Variants in ASAP1 observed in about 807,000 individuals in gnomAD.
ASAP1 encodes the protein arf-GAP with SH3 domain, ANK repeat and PH domain-containing protein 1.
A neutral mutation model predicts 145.2 loss-of-function variants in ASAP1; 43 were observed. The observed-to-expected ratio is 0.30, with a 90% CI of 0.23 to 0.38. The LOEUF is 0.38. ASAP1 is among the 10% of genes least tolerant of loss of function. The pLI is 1.00. For missense variants in ASAP1, 1,018 were observed against 1,355.3 expected (o/e 0.75, Z 3.91); for synonymous variants, 546 against 515.5 (o/e 1.06, Z -0.80).
At chr8:130,273,666 C>T (rs1377934938) in intron 3 of ASAP1, among the ~76,000 whole-genome samples, 2 of 152,166 alleles carry the variant, frequency 1.3e-5, no homozygotes, top group Admixed American at 6.5e-5. Flanking sequence ...GAAAACCTGG[C>T]TTATAATGTC....
chr8:130,259,682 C>T (rs527674735), intron 3 of ASAP1, among the ~76,000 whole-genome samples: 4 of 152,310 alleles, frequency 2.6e-5, no homozygotes, highest in African/African-American at 9.6e-5. Context: ...TGCCCCACTG[C>T]CTCACATGAC....
At chr8:130,099,765 C>T (rs2097525496) in intron 24 of ASAP1, among the ~76,000 whole-genome samples, 2 of 147,726 alleles carry the variant, frequency 1.4e-5, no homozygotes, top group Non-Finnish European at 3.0e-5. Flanking sequence ...TCACTGCAAC[C>T]TGACCTCAGG....
At chr8:130,115,279 G>T (rs2097553363) in intron 23 of ASAP1, among the ~76,000 whole-genome samples, 1 of 152,216 alleles carries the variant, frequency 6.6e-6, no homozygotes, top group Non-Finnish European at 1.5e-5. Flanking sequence ...AAGGAATGCT[G>T]CCTCCAGACT....
At chr8:130,177,704 A>C (rs16904211) in intron 9 of ASAP1, among the ~76,000 whole-genome samples, 9,247 of 152,238 alleles carry the variant, frequency 0.061, 950 homozygotes, top group African/African-American at 0.21. Context: ...TTTGAAAAAA[A>C]GTTATCATCA....
In ASAP1 at chr8:130,426,653, C is replaced by T. The variant is rs556459969; in HGVS notation, c.-28+16807G>A. Among the ~76,000 whole-genome samples, 196 of 152,340 alleles carry T rather than the reference C, an allele frequency of 1.3e-3. 1 individual carries two copies. The highest frequency in any genetic ancestry group is 2.3e-3 in the Non-Finnish European group (157 of 68,036). On this transcript the variant is annotated intron_variant, in intron 1 of 29. Transcript: ENST00000518721. ...ATGCATGCAGTTATCAGGGTCTCTG[C>T]ATGGGGCAGGCCCTGTGCCTAGGAA...
At chr8:130,072,471 T>C (rs1437491688) in intron 27 of ASAP1, among the ~76,000 whole-genome samples, 1 of 151,664 alleles carries the variant, frequency 6.6e-6, no homozygotes, top group Non-Finnish European at 1.5e-5. Context: ...TTTCGCCTTC[T>C]GCCATGATTG....
intron 2 of ASAP1, among the ~76,000 whole-genome samples, chr8:130,395,868 G>C (rs566188551): frequency 6.6e-6 from 1 of 152,208 alleles, no homozygotes; most frequent in East Asian, 1.9e-4. Context: ...GTTTCACTAT[G>C]TTAGCTAGGC....
At chr8:130,240,129 A>G (rs1364185776) in intron 3 of ASAP1, among the ~76,000 whole-genome samples, 3 of 152,110 alleles carry the variant, frequency 2.0e-5, no homozygotes, top group African/African-American at 7.2e-5. Context: ...ATTTTTTGAG[A>G]CCATCTACCT....
At chr8:130,423,062 C>T (rs559544796) in intron 1 of ASAP1, among the ~76,000 whole-genome samples, 7 of 152,060 alleles carry the variant, frequency 4.6e-5, no homozygotes, top group South Asian at 2.1e-4. Flanking sequence ...AACTAAATTG[C>T]GCCATTGGTT....
intron 2 of ASAP1, among the ~76,000 whole-genome samples, chr8:130,383,410 G>C (rs1286592070): frequency 6.6e-6 from 1 of 152,180 alleles, no homozygotes; most frequent in African/African-American, 2.4e-5. Context: ...CCATCAAGGG[G>C]AGAAAGCCTG....
intron 3 of ASAP1, among the ~76,000 whole-genome samples, chr8:130,357,225 T>C (rs1204142580): frequency 2.0e-5 from 3 of 151,664 alleles, no homozygotes. Context: ...CAGCAACGCT[T>C]TCCTGAAGGG....
intron 3 of ASAP1, among the ~76,000 whole-genome samples, chr8:130,252,895 C>T (rs560661602): frequency 2.4e-4 from 37 of 152,140 alleles, no homozygotes; most frequent in Non-Finnish European, 5.0e-4. Flanking sequence ...TTTCCTGAGT[C>T]ACATCTTTTC....
At chr8:130,116,797 A>G (rs1176737022) in intron 21 of ASAP1, 52 bp from the exon 22 acceptor site, 13 of 1,593,308 alleles carry the variant, frequency 8.2e-6, no homozygotes, top group Non-Finnish European at 1.1e-5. Context: ...ACACCTTAAG[A>G]AGGCAAGGAA....
intron 24 of ASAP1, among the ~76,000 whole-genome samples, chr8:130,103,503 T>C (rs916338631): frequency 6.6e-6 from 1 of 151,064 alleles, no homozygotes; most frequent in Non-Finnish European, 1.5e-5. Flanking sequence ...TTGACATTTT[T>C]ATTTTTTTAT....
chr8:130,282,206 C>CT lies in ASAP1; in HGVS notation c.187-45213dup, dbSNP rs149060990. The stretch of plus-strand genomic sequence containing the variant: ...AATCACACTGTCAAAGCAGAAGTGT[C>CT]TAAAATCCTGCAAGTATACCATGTT... On this transcript the variant is annotated intron_variant, in intron 3 of 29. Transcript: ENST00000518721. Among the ~76,000 whole-genome samples, 1,087 of 152,234 alleles carry CT rather than the reference C, an allele frequency of 7.1e-3. 15 individuals carry two copies. Among genetic ancestry groups the CT allele is most frequent in the African/African-American group, 0.025 (1,041 of 41,536 alleles).
intron 25 of ASAP1, among the ~76,000 whole-genome samples, chr8:130,089,446 T>C (rs570956214): frequency 1.3e-5 from 2 of 152,258 alleles, no homozygotes; most frequent in South Asian, 2.1e-4. Flanking sequence ...TCAAAGGCCC[T>C]GATCCTCATG....
rs559525869 is a variant in ASAP1, at chr8:130,374,491, G to A, written c.60-16348C>T. ...TCAAGACTAGGCCGGGCGCGGTGGC[G>A]CACGCCTGTAATCCCAGCACTTTGG... On this transcript the variant is annotated intron_variant, in intron 2 of 29. Transcript: ENST00000518721. Among the ~76,000 whole-genome samples the A allele has an allele frequency of 1.7e-3, 252 of 152,230 alleles. 1 individual carries two copies. Among genetic ancestry groups the A allele is most frequent in the Non-Finnish European group, 2.9e-3 (196 of 68,002 alleles).
chr8:130,127,934 G>A lies in ASAP1; in HGVS notation c.1374C>T (p.Gly458=), dbSNP rs75375911. 0.015 allele frequency: 24,037 copies of A among 1,612,250 alleles called. 272 individuals are homozygous for A. The highest frequency in any genetic ancestry group is 0.048 in the East Asian group (2,161 of 44,850). Residue 458 remains glycine, a synonymous_variant, in exon 16 of 30, where the codon GGC becomes GGT. Coordinates refer to ENST00000518721, the MANE Select transcript of ASAP1 (RefSeq NM_018482.4). ...AAATATGGGGACAAAAACCTGATGAGCCACAATCGCAGCAAATGTCATTCC... is the reference window on the plus strand; with the variant it reads ...AAATATGGGGACAAAAACCTGATGAACCACAATCGCAGCAAATGTCATTCC... ...LPGNDICCDC[G]SSEPTWLSTN...
At chr8:130,061,146 A>T in intron 27 of ASAP1, 77 bp from the exon 28 acceptor site, 2 of 1,502,000 alleles carry the variant, frequency 1.3e-6, no homozygotes, top group Non-Finnish European at 1.8e-6. Context: ...AAGAGGCACC[A>T]TCATCATGAA....
Sources: gnomAD v4.1 joint callset for allele counts (sites outside exome capture counted in the v4.1 genomes callset) on GRCh38, gnomAD v4.1.1 for gene constraint, MANE v1.5 for transcripts, NCBI Gene and HGNC (gene_info 2026-07-23, HGNC 2026-07-21) for gene names.